Variants in ADAMTS17 observed in about 807,000 individuals in gnomAD.
The protein encoded by ADAMTS17 is A disintegrin and metalloproteinase with thrombospondin motifs 17.
In ADAMTS17, 113 loss-of-function variants were observed where a neutral mutation model predicts 141.5. The observed-to-expected ratio is 0.80, with a 90% CI of 0.69 to 0.93. The LOEUF (loss-of-function observed/expected upper bound fraction) is 0.93, where lower values mean the gene tolerates loss of function less well. ADAMTS17 is among the 40% of genes least tolerant of loss of function. The pLI is 0.00. For missense variants in ADAMTS17, 1,659 were observed against 1,517.9 expected, an observed-to-expected ratio of 1.09 and a Z score of -1.54; for synonymous variants, 768 against 630.6, an observed-to-expected ratio of 1.22 and a Z score of -3.27.
At chr15:100,187,414 G>C (rs2040758317) in intron 8 of ADAMTS17, among the ~76,000 whole-genome samples, 1 of 152,184 alleles carries the variant, frequency 6.6e-6, no homozygotes, top group Admixed American at 6.5e-5. Context: ...TGTAGGAGTT[G>C]CTATAAACAC....
chr15:100,132,094 T>G lies in ADAMTS17; in HGVS notation c.1634A>C (p.Asp545Ala). 6.2e-7 allele frequency: 1 copy of G among 1,614,114 alleles called. No homozygotes were observed. Among genetic ancestry groups the G allele is most frequent in the Non-Finnish European group, 8.5e-7 (1 of 1,180,014 alleles). ...GCTCCAGGCGCCCCACGGGCTCCAG[T>G]CTCCGTCCACATGCTCCGGGATGGG... Reference protein sequence around the residue: ...KTPIPEHVDGDWSPWGAWSMC... With the variant: ...KTPIPEHVDGAWSPWGAWSMC... Residue 545 changes from aspartate to alanine, a missense_variant, in exon 12 of 22, where the codon GAC becomes GCC. By Grantham distance (126) the Asp-to-Ala change is moderately radical. Coordinates refer to ENST00000268070, the MANE Select transcript of ADAMTS17 (RefSeq NM_139057.4).
At chr15:100,046,576 G>A (rs552167226) in intron 18 of ADAMTS17, among the ~76,000 whole-genome samples, 5 of 152,232 alleles carry the variant, frequency 3.3e-5, no homozygotes, top group African/African-American at 1.2e-4. Context: ...GCAGAAGAAC[G>A]TGGATTGTGA....
chr15:100,242,292 C>T (rs1004272791), intron 7 of ADAMTS17, among the ~76,000 whole-genome samples: 1 of 152,144 alleles, frequency 6.6e-6, no homozygotes, highest in Non-Finnish European at 1.5e-5. Context: ...ACTCTTGGCT[C>T]AACTCTAAAG....
chr15:100,111,032 C>T (rs1241261329), intron 13 of ADAMTS17, among the ~76,000 whole-genome samples: 2 of 152,184 alleles, frequency 1.3e-5, no homozygotes, highest in Non-Finnish European at 2.9e-5. Flanking sequence ...GGAAATGCTT[C>T]CCTCAGTTCT....
At chr15:100,052,393 C>G (rs988227503) in intron 16 of ADAMTS17, among the ~76,000 whole-genome samples, 2 of 152,200 alleles carry the variant, frequency 1.3e-5, no homozygotes, top group Non-Finnish European at 2.9e-5. Context: ...AAGTGACAAT[C>G]ACATTTTGAA....
At chr15:100,088,703 G>C (rs1396890602) in intron 15 of ADAMTS17, among the ~76,000 whole-genome samples, 1 of 152,034 alleles carries the variant, frequency 6.6e-6, no homozygotes, top group Non-Finnish European at 1.5e-5. Context: ...ACAACTATCT[G>C]ATCTTTGACA....
chr15:100,324,518 ACC>A (rs2045840173), intron 3 of ADAMTS17, among the ~76,000 whole-genome samples: 3 of 152,184 alleles, frequency 2.0e-5, no homozygotes, highest in Admixed American at 6.5e-5. Flanking sequence ...GGAGGCAAGG[ACC>A]ATACTATGTC....
chr15:99,984,389 G>A (rs2141296388), intron 20 of ADAMTS17, among the ~76,000 whole-genome samples: 1 of 152,322 alleles, frequency 6.6e-6, no homozygotes, highest in Middle Eastern at 3.4e-3. Flanking sequence ...GCCATCACGT[G>A]TGGGTACCCA....
chr15:100,140,994 G>A (rs2038617949), intron 10 of ADAMTS17, among the ~76,000 whole-genome samples: 1 of 152,156 alleles, frequency 6.6e-6, no homozygotes, highest in Non-Finnish European at 1.5e-5. Context: ...ATCAGGGGTG[G>A]GGGTACTAAG....
chr15:100,125,621 C>T (rs1039948824), intron 12 of ADAMTS17, among the ~76,000 whole-genome samples: 2 of 152,168 alleles, frequency 1.3e-5, no homozygotes, highest in African/African-American at 4.8e-5. Context: ...CTCTTCCCCA[C>T]ACACAAACTG....
At position 100,141,482 on chromosome 15, in the gene ADAMTS17, G is replaced by C. The variant is rs1349231208; in HGVS notation, c.1474-8167C>G. Among the ~76,000 whole-genome samples the C allele has an allele frequency of 2.0e-5, 3 of 152,316 alleles. No individual in the cohort carries two copies. The East Asian group carries it at 5.8e-4, about 29-fold the overall frequency. ...CTGATAACACAAGCCAAAAGAGAGA[G>C]AAAATCAACGCTAAGAGCTGGATGA... On this transcript the variant is annotated intron_variant, in intron 10 of 21. Transcript: ENST00000268070.
chr15:100,046,473 A>G (rs2031692557), intron 18 of ADAMTS17, among the ~76,000 whole-genome samples: 1 of 152,184 alleles, frequency 6.6e-6, no homozygotes, highest in South Asian at 2.1e-4. Context: ...TTTTAAAAAG[A>G]CTTGGGTATA....
intron 18 of ADAMTS17, among the ~76,000 whole-genome samples, chr15:100,033,960 C>T (rs1438747674): frequency 6.6e-6 from 1 of 152,208 alleles, no homozygotes; most frequent in African/African-American, 2.4e-5. Flanking sequence ...CTGGTGGGGA[C>T]AGCAGTTTGA....
intron 3 of ADAMTS17, among the ~76,000 whole-genome samples, chr15:100,296,196 C>T (rs1035616682): frequency 1.3e-5 from 2 of 152,130 alleles, no homozygotes; most frequent in African/African-American, 2.4e-5. Flanking sequence ...AGTTTGAACA[C>T]ACGCACTTGC....
At chr15:100,112,040 ATCCTCTGAT>A (rs1465022979) in intron 13 of ADAMTS17, among the ~76,000 whole-genome samples, 2 of 152,258 alleles carry the variant, frequency 1.3e-5, no homozygotes, top group Non-Finnish European at 2.9e-5. Context: ...TTCCGAGTGT[ATCCTCTGAT>A]TCGAGTAGAA....
intron 8 of ADAMTS17, among the ~76,000 whole-genome samples, chr15:100,168,962 C>T (rs2040055768): frequency 6.6e-6 from 1 of 152,206 alleles, no homozygotes; most frequent in African/African-American, 2.4e-5. Flanking sequence ...CCCGGAGGGG[C>T]GACTATAATG....
intron 3 of ADAMTS17, among the ~76,000 whole-genome samples, chr15:100,316,503 C>T (rs1333518461): frequency 6.6e-6 from 1 of 152,194 alleles, no homozygotes; most frequent in South Asian, 2.1e-4. Context: ...CACACACTCA[C>T]TCCCCTTCCG....
chr15:100,236,969 C>G (rs368732842), intron 7 of ADAMTS17, among the ~76,000 whole-genome samples: 2 of 152,296 alleles, frequency 1.3e-5, no homozygotes, highest in African/African-American at 4.8e-5. Flanking sequence ...AGCTTCAATT[C>G]TCCTCTCATC....
chr15:100,213,852 C>T (rs983182608), intron 7 of ADAMTS17, among the ~76,000 whole-genome samples: 6 of 152,226 alleles, frequency 3.9e-5, no homozygotes, highest in East Asian at 1.9e-4. Context: ...CATCTGGCCC[C>T]GTCCCAGCCG....
Sources: allele counts gnomAD v4.1 joint callset (sites outside exome capture counted in the v4.1 genomes callset), GRCh38; gene constraint gnomAD v4.1.1; transcripts MANE v1.5; gene names NCBI Gene and HGNC (gene_info 2026-07-23, HGNC 2026-07-21).